Variants in PAX5 observed in about 807,000 individuals in gnomAD.
PAX5 encodes the protein paired box protein Pax-5.
A neutral mutation model predicts 43.7 loss-of-function variants in PAX5; 9 were observed. The ratio of observed to expected loss-of-function variants is 0.21; its 90% confidence interval spans 0.12 to 0.36. The LOEUF (loss-of-function observed/expected upper bound fraction) is 0.36, where lower values mean the gene tolerates loss of function less well. PAX5 is among the 10% of genes least tolerant of loss of function. The probability of loss-of-function intolerance (pLI) is 1.00; values close to 1 mark genes in which losing one functional copy is unlikely to be tolerated. For missense variants in PAX5, 383 were observed against 532.7 expected, an observed-to-expected ratio of 0.72 and a Z score of 2.77; for synonymous variants, 228 against 214.3, an observed-to-expected ratio of 1.06 and a Z score of -0.56.
intron 7 of PAX5, among the ~76,000 whole-genome samples, chr9:36,915,072 G>A (rs149777558): frequency 1.6e-3 from 245 of 152,252 alleles, no homozygotes; most frequent in African/African-American, 5.4e-3. Flanking sequence ...TGGATGTTGC[G>A]TTGTCTGTTT....
intron 9 of PAX5, 94 bp downstream of exon 9, chr9:36,846,749 G>C: frequency 1.2e-6 from 1 of 827,348 alleles, no homozygotes; most frequent in Non-Finnish European, 2.0e-6. Context: ...TCAGTGACCA[G>C]ACCTCAGGAT....
At chr9:36,888,614 G>C (rs568174179) in intron 7 of PAX5, among the ~76,000 whole-genome samples, 1 of 152,212 alleles carries the variant, frequency 6.6e-6, no homozygotes, top group East Asian at 1.9e-4. Flanking sequence ...CTAGGGCTGG[G>C]GCTGGGAAAT....
At chr9:36,853,552 C>T (rs1436433123) in intron 8 of PAX5, among the ~76,000 whole-genome samples, 1 of 152,208 alleles carries the variant, frequency 6.6e-6, no homozygotes, top group Non-Finnish European at 1.5e-5. Flanking sequence ...AAAGCCATTA[C>T]ACAGAACAAA....
chr9:36,926,348 G>A (rs1488372227), intron 6 of PAX5, among the ~76,000 whole-genome samples: 3 of 152,160 alleles, frequency 2.0e-5, no homozygotes, highest in Admixed American at 1.3e-4. Context: ...GATAAGTCCT[G>A]TTTTGTGAAT....
chr9:37,023,486 C>T (rs77134091), intron 1 of PAX5, among the ~76,000 whole-genome samples: 2 of 152,096 alleles, frequency 1.3e-5, no homozygotes, highest in Non-Finnish European at 2.9e-5. Context: ...AGGAAACAGA[C>T]CCACAGATAC....
chr9:36,945,221 G>A lies in PAX5; in HGVS notation c.780+21328C>T, dbSNP rs555076401. Among the ~76,000 whole-genome samples, 30 of 80,870 alleles carry A rather than the reference G, an allele frequency of 3.7e-4. 1 individual carries two copies. In the South Asian group the frequency reaches 0.012, roughly 32 times the overall value. The allele number at this position is 80,870 out of a possible 152,430, so 53.1% of individuals were successfully genotyped here. A position where few individuals can be genotyped will look rare whatever the true frequency, so the allele number is the denominator to read the frequency against. On this transcript the variant is annotated intron_variant, in intron 6 of 9. Transcript: ENST00000358127. ...AAAACAAAACTCCCTTTGGACAACT[G>A]TCTTTTTTTTTTTAGTTTTTTGTTT...
chr9:36,988,770 A>G (rs1348931811), intron 5 of PAX5, among the ~76,000 whole-genome samples: 1 of 152,218 alleles, frequency 6.6e-6, no homozygotes, highest in African/African-American at 2.4e-5. Context: ...ATTCAGAGTA[A>G]AAACACTTTG....
intron 7 of PAX5, among the ~76,000 whole-genome samples, chr9:36,911,255 C>T (rs983440079): frequency 3.9e-5 from 6 of 152,206 alleles, no homozygotes; most frequent in African/African-American, 7.2e-5. Flanking sequence ...ATGGTACTCC[C>T]GGCCTGGCAC....
intron 6 of PAX5, among the ~76,000 whole-genome samples, chr9:36,939,913 T>A (rs1831901840): frequency 6.6e-6 from 1 of 151,626 alleles, no homozygotes; most frequent in East Asian, 2.0e-4. Flanking sequence ...ACTCTCCTCC[T>A]GTCACCCTCC....
intron 7 of PAX5, among the ~76,000 whole-genome samples, chr9:36,909,367 A>G (rs146576048): frequency 6.6e-5 from 10 of 152,344 alleles, no homozygotes; most frequent in Non-Finnish European, 1.3e-4. Flanking sequence ...GTTGCTGCAC[A>G]TTCTTGAGAA....
At chr9:37,026,186 G>C (rs1202434746) in intron 1 of PAX5, among the ~76,000 whole-genome samples, 13 of 152,230 alleles carry the variant, frequency 8.5e-5, no homozygotes, top group Admixed American at 8.5e-4. Context: ...ACTCTGACTG[G>C]CCTCTCCCTA....
intron 7 of PAX5, among the ~76,000 whole-genome samples, chr9:36,919,700 G>A (rs1032559944): frequency 2.0e-5 from 3 of 152,016 alleles, no homozygotes; most frequent in Admixed American, 1.3e-4. Flanking sequence ...AATTAGCCAA[G>A]TGTGGTGGTG....
In PAX5 at chr9:37,003,177, A is replaced by G. The variant is rs1049595784; in HGVS notation, c.476-401T>C. Reference sequence around the variant, plus strand: ...CTTAAAAAAAAAAAAAAAAAAAAAAAAAAACCTGAACTACTCGTTAGGCAT... The same window carrying G: ...CTTAAAAAAAAAAAAAAAAAAAAAAGAAAACCTGAACTACTCGTTAGGCAT... On this transcript the variant is annotated intron_variant, in intron 4 of 9. Transcript: ENST00000358127. Among the ~76,000 whole-genome samples the G allele has an allele frequency of 1.3e-3, 201 of 150,876 alleles. 3 individuals carry two copies. Among genetic ancestry groups the G allele is most frequent in the Admixed American group, 0.013 (195 of 15,152 alleles).
At chr9:36,899,383 G>C (rs1189788261) in intron 7 of PAX5, among the ~76,000 whole-genome samples, 2 of 152,180 alleles carry the variant, frequency 1.3e-5, no homozygotes, top group Admixed American at 1.3e-4. Context: ...GCTCACTTCT[G>C]TTTCCCTGTG....
intron 5 of PAX5, among the ~76,000 whole-genome samples, chr9:36,978,893 C>T (rs1228575069): frequency 6.6e-6 from 1 of 152,188 alleles, no homozygotes; most frequent in Non-Finnish European, 1.5e-5. Context: ...AGATTATATT[C>T]CCCATAAGAT....
chr9:36,873,853 G>T (rs977155715), intron 8 of PAX5, among the ~76,000 whole-genome samples: 2 of 152,204 alleles, frequency 1.3e-5, no homozygotes, highest in African/African-American at 4.8e-5. Context: ...TCTGAATCCT[G>T]TTCACTACTC....
chr9:36,838,179 G>T lies in PAX5; in HGVS notation c.*2381C>A, dbSNP rs979565751. ...AACTACCTCCCTTCTTTGCCCCGCA[G>T]GTTCTGGGTGGGGGCGGGGGTGCAT... On this transcript the variant is annotated 3_prime_UTR_variant, in exon 10 of 10. Coordinates refer to ENST00000358127, the MANE Select transcript of PAX5 (RefSeq NM_016734.3). The T allele has an allele frequency of 1.7e-5, 4 of 233,294 alleles. No homozygotes were observed. Among genetic ancestry groups the T allele is most frequent in the Admixed American group, 5.6e-5 (1 of 17,772 alleles). The allele number at this position is 233,294 out of a possible 1,614,324, so 14.5% of individuals were successfully genotyped here.
At position 36,835,093 on chromosome 9, in the gene PAX5, GATATTA is replaced by G. The variant is rs1821551299; in HGVS notation, c.*5461_*5466del. On this transcript the variant is annotated 3_prime_UTR_variant, in exon 10 of 10. Transcript: ENST00000358127. ...AGGCTTTGCTGATTGTCCCTCAGTA[GATATTA>G]ATAGGTAAGCAGCTGCATTTTCTCC... 4.3e-6 allele frequency: 1 copy of G among 233,336 alleles called. No homozygotes were observed. 14.5% of individuals were successfully genotyped at this position (233,336 alleles called of 1,614,324 possible). A position where few individuals can be genotyped will look rare whatever the true frequency, so the allele number is the denominator to read the frequency against.
rs567822999 is a variant in PAX5, at chr9:37,016,187, C to G, written c.213-993G>C. Among the ~76,000 whole-genome samples, 35 of 152,314 alleles carry G rather than the reference C, an allele frequency of 2.3e-4. 1 individual carries two copies. The South Asian group carries it at 7.0e-3, about 31-fold the overall frequency. On this transcript the variant is annotated intron_variant, in intron 2 of 9. Transcript: ENST00000358127. ...CCCAGCCTCTTGAACTACAATTTCC[C>G]CAATAAGGTAGCTTACACTTTTGAT...
Sources: gnomAD v4.1 joint callset for allele counts (sites outside exome capture counted in the v4.1 genomes callset) on GRCh38, gnomAD v4.1.1 for gene constraint, MANE v1.5 for transcripts, NCBI Gene and HGNC (gene_info 2026-07-23, HGNC 2026-07-21) for gene names.